The following SYNPO2L variants were observed in gnomAD, a reference collection of about 807,000 sequenced individuals.
SYNPO2L encodes the protein synaptopodin 2-like protein.
Under a neutral mutation model 47.5 loss-of-function variants are expected in SYNPO2L, and 34 were observed. The observed-to-expected ratio is 0.72, with a 90% CI of 0.54 to 0.95. SYNPO2L has a LOEUF of 0.95. SYNPO2L is among the 40% of genes least tolerant of loss of function. The pLI, the probability that SYNPO2L is intolerant of heterozygous loss-of-function variation, is 0.00. For synonymous variants in SYNPO2L, 536 were observed against 524.9 expected (o/e 1.02, Z -0.29); for missense variants, 1,246 against 1,282.0 (o/e 0.97, Z 0.43).
At position 73,653,556 on chromosome 10, in the gene SYNPO2L, C is replaced by T; in HGVS notation, c.355G>A (p.Val119Ile). Residue 119 changes from valine (V) to isoleucine (I), a missense_variant, in exon 3 of 4, where the codon GTT becomes ATT. Physicochemically the swap from Val to Ile is conservative, Grantham distance 29 (BLOSUM62 3). Around this residue, in one of 3 missense-constraint regions of SYNPO2L, gnomAD observed 148 missense variants for 204.8 expected, o/e 0.72. Coordinates refer to ENST00000394810, the MANE Select transcript of SYNPO2L (RefSeq NM_001114133.3). ...CTCCCAGGCTGAAGAGGCTGAGGAA[C>T]TGGAGCACCAGGGGGCTCAGGACTT... ...PLSPEPPGAPVPQPLQPGSLR... is the reference protein window; with the variant it reads ...PLSPEPPGAPIPQPLQPGSLR... 5 of 1,552,090 alleles carry T rather than the reference C, an allele frequency of 3.2e-6. No individual in the cohort carries two copies. The highest frequency in any genetic ancestry group is 4.4e-6 in the Non-Finnish European group (5 of 1,147,078).
intron 3 of SYNPO2L, chr10:73,650,731 A>C (rs984300545): frequency 1.0e-6 from 1 of 985,252 alleles, no homozygotes; most frequent in African/African-American, 1.7e-5. Flanking sequence ...CCCCTTTGAC[A>C]TGTGACCACA....
rs759286581 is a variant in SYNPO2L at position 73,646,792 on chromosome 10, C to T, written c.2860G>A (p.Ala954Thr). ...CTGGTGGCTGAAAATCGGGGCCTGGCTACCTGGAAACCGCAGGAGCTGGGA... is the reference window on the plus strand; with the variant it reads ...CTGGTGGCTGAAAATCGGGGCCTGGTTACCTGGAAACCGCAGGAGCTGGGA... ...ASPSSCGFQV[A>T]RPRFSATRTG... The change falls in exon 4 of 4, where the codon GCC becomes ACC. Residue 954 changes from alanine to threonine, a missense_variant. This residue lies in a region of SYNPO2L where 1,037 missense variants were observed against 1,021.5 expected (regional missense o/e 1.02). Transcript: ENST00000394810. 5 of 1,527,472 alleles carry T rather than the reference C, an allele frequency of 3.3e-6. No homozygotes were observed. The highest frequency in any genetic ancestry group is 1.4e-5 in the African/African-American group (1 of 72,016). 94.6% of individuals were successfully genotyped at this position (1,527,472 alleles called of 1,614,324 possible). A position where few individuals can be genotyped will look rare whatever the true frequency, so the allele number is the denominator to read the frequency against.
Position 73,654,620 on chromosome 10 carries a change from G to A in SYNPO2L, c.106-340C>T, listed in dbSNP as rs1262311159. On this transcript the variant is annotated intron_variant, in intron 1 of 3. Coordinates refer to ENST00000394810, the MANE Select transcript of SYNPO2L (RefSeq NM_001114133.3). ...GTGCTTTGGGAGGCCTAGGTGGGTG[G>A]ATCACTTGAGATCAGGAGTTTGAGA... Among the ~76,000 whole-genome samples the A allele has an allele frequency of 4.6e-5, 7 of 152,118 alleles. No individual in the cohort carries two copies. The East Asian group carries it at 1.3e-3, about 29-fold the overall frequency.
chr10:73,645,849 G>C lies in SYNPO2L; in HGVS notation c.*869C>G, dbSNP rs893220160. On this transcript the variant is annotated 3_prime_UTR_variant, in exon 4 of 4. Transcript: ENST00000394810. ...TTGTTTGTTTGTTTGTTTTGAGACA[G>C]AGTCTCGCTCCGTCGCCCAGGCTGG... is the stretch of plus-strand genomic sequence containing the variant. 6.1e-6 allele frequency: 6 copies of C among 985,564 alleles called. No homozygotes were observed. The highest frequency in any genetic ancestry group is 1.7e-5 in the African/African-American group (1 of 57,224). The allele number at this position is 985,564 out of a possible 1,614,324, so 61.1% of individuals were successfully genotyped here. A position where few individuals can be genotyped will look rare whatever the true frequency, so the allele number is the denominator to read the frequency against.
chr10:73,647,536 G>A lies in SYNPO2L; in HGVS notation c.2116C>T (p.Pro706Ser), dbSNP rs771255679. The change falls in exon 4 of 4, where the codon CCC becomes TCC. Residue 706 changes from proline (P) to serine (S), a missense_variant. Around this residue, in one of 3 missense-constraint regions of SYNPO2L, gnomAD observed 1,037 missense variants for 1,021.5 expected, o/e 1.02. Transcript: ENST00000394810. ...GGGGTCTTGGGAGCCATTGGAGGGGGGGTCTTAGGTGTCACGTGAGGCAGG... is the reference window on the plus strand; with the variant it reads ...GGGGTCTTGGGAGCCATTGGAGGGGAGGTCTTAGGTGTCACGTGAGGCAGG... ...KTLPHVTPKT[P>S]PPMAPKTPPP... The A allele has an allele frequency of 6.3e-7, 1 of 1,593,968 alleles. No individual in the cohort carries two copies. Among genetic ancestry groups the A allele is most frequent in the South Asian group, 1.1e-5 (1 of 89,362 alleles).
In SYNPO2L at chr10:73,653,385, A is replaced by T. The variant is rs1168614250; in HGVS notation, c.526T>A (p.Tyr176Asn). 1 of 1,551,548 alleles carries T rather than the reference A, an allele frequency of 6.4e-7. No individual in the cohort carries two copies. Among genetic ancestry groups the T allele is most frequent in the South Asian group, 1.2e-5 (1 of 84,066 alleles). ...GGCTCTGCAGGGCTGTCAGACAGGT[A>T]GACCTCATCAGGTGGGGCACCCGGA... Reference protein sequence around the residue: ...TPPGAPPDEVYLSDSPAEPAP... With the variant: ...TPPGAPPDEVNLSDSPAEPAP... The change falls in exon 3 of 4, where the codon TAC becomes AAC. Residue 176 changes from tyrosine to asparagine, a missense_variant. Coordinates refer to ENST00000394810, the MANE Select transcript of SYNPO2L (RefSeq NM_001114133.3).
Position 73,653,566 on chromosome 10 carries a change from A to AG in SYNPO2L, c.344dup (p.Gly116TrpfsTer18). The AG allele has an allele frequency of 6.4e-7, 1 of 1,552,178 alleles. No homozygotes were observed. Among genetic ancestry groups the AG allele is most frequent in the East Asian group, 2.4e-5 (1 of 40,922 alleles). On this transcript the variant is annotated frameshift_variant, in exon 3 of 4. Transcript: ENST00000394810. LOFTEE classifies it high-confidence loss of function. ...GAAGAGGCTGAGGAACTGGAGCACC[A>AG]GGGGGCTCAGGACTTAGTGGAGATA...
chr10:73,647,485 G>T lies in SYNPO2L; in HGVS notation c.2167C>A (p.Pro723Thr), dbSNP rs753124975. 1 of 1,591,430 alleles carries T rather than the reference G, an allele frequency of 6.3e-7. No individual in the cohort carries two copies. Among genetic ancestry groups the T allele is most frequent in the African/African-American group, 1.3e-5 (1 of 74,274 alleles). Residue 723 changes from proline to threonine, a missense_variant, in exon 4 of 4, where the codon CCC (proline) becomes ACC (threonine). By Grantham distance (38) the Pro-to-Thr change is conservative (BLOSUM62 -1). This residue lies in a region of SYNPO2L where 1,037 missense variants were observed against 1,021.5 expected (regional missense o/e 1.02). Coordinates refer to ENST00000394810, the MANE Select transcript of SYNPO2L (RefSeq NM_001114133.3). ...GATGGGGGCTTAGGAGCCACTGGGG[G>T]TGGAGTCTTAGGAGTCATAGGGGGC... ...TPPPMTPKTP[P>T]PVAPKPPSRG...
Position 73,648,522 on chromosome 10 carries a change from C to T in SYNPO2L, c.1130G>A (p.Gly377Glu), listed in dbSNP as rs991847681. ...CCCAGAGACCTCACTCAGCTGCCCT[C>T]CCAGCCCAGAGCCCTGGCCCTCTGA... ...RASEGQGSGL[G>E]GQLSEVSGRG... The change falls in exon 4 of 4, where the codon GGA (glycine) becomes GAA (glutamate). Residue 377 changes from glycine (G) to glutamate (E), a missense_variant. By Grantham distance (98) the Gly-to-Glu change is moderately conservative (BLOSUM62 -2). Transcript: ENST00000394810. 1 of 1,614,002 alleles carries T rather than the reference C, an allele frequency of 6.2e-7. No individual in the cohort carries two copies. Among genetic ancestry groups the T allele is most frequent in the African/African-American group, 1.3e-5 (1 of 74,942 alleles).
At chr10:73,654,045 T>C (rs902415590) in intron 2 of SYNPO2L, 84 bp downstream of exon 2, 1 of 1,489,396 alleles carries the variant, frequency 6.7e-7, no homozygotes, top group South Asian at 1.3e-5. Context: ...TGTTAGTTGC[T>C]AAAGCCAGGC....
chr10:73,648,705 G>A lies in SYNPO2L; in HGVS notation c.947C>T (p.Ala316Val), dbSNP rs766301153. 6.8e-6 allele frequency: 11 copies of A among 1,610,222 alleles called. No homozygotes were observed. The South Asian group carries it at 1.2e-4, about 18-fold the overall frequency. ...CTCCTCCTCAGCGCCTGTCCCAGCAGCAGCCCCGAAGCTCACCAGGGTGTA... is the reference window on the plus strand; with the variant it reads ...CTCCTCCTCAGCGCCTGTCCCAGCAACAGCCCCGAAGCTCACCAGGGTGTA... ...KKYTLVSFGA[A>V]AGTGAEEEDG... The change falls in exon 4 of 4, where the codon GCT becomes GTT. Residue 316 changes from alanine (A) to valine (V), a missense_variant. Ala to Val is a moderately conservative substitution (Grantham distance 64). Coordinates refer to ENST00000394810, the MANE Select transcript of SYNPO2L (RefSeq NM_001114133.3).
At chr10:73,652,174 A>AC (rs2081847058) in intron 3 of SYNPO2L, among the ~76,000 whole-genome samples, 1 of 151,510 alleles carries the variant, frequency 6.6e-6, no homozygotes, top group Admixed American at 6.6e-5. Flanking sequence ...TATTTTTAAG[A>AC]CAGGGTCTTG....
In SYNPO2L at chr10:73,647,273, C is replaced by G. The variant is rs929430288; in HGVS notation, c.2379G>C (p.Pro793=). The G allele has an allele frequency of 2.5e-6, 4 of 1,613,852 alleles. No individual in the cohort carries two copies. The highest frequency in any genetic ancestry group is 3.4e-6 in the Non-Finnish European group (4 of 1,179,938). The change falls in exon 4 of 4, where the codon CCG becomes CCC. Residue 793 remains proline, a synonymous_variant. Transcript: ENST00000394810. ...GPRPRSPSPT[P]SLPPSWKYSP... ...AATATTTCCAGGAAGGGGGCAGAGA[C>G]GGGGTAGGAGAAGGACTTCTAGGCC...
chr10:73,650,387 A>T (rs2081831724), intron 3 of SYNPO2L: 1 of 579,566 alleles, frequency 1.7e-6, no homozygotes. Flanking sequence ...GTCAGAGTTC[A>T]GTTCAGGTTT....
chr10:73,645,180 G>A lies in SYNPO2L; in HGVS notation c.*1538C>T. On this transcript the variant is annotated 3_prime_UTR_variant, in exon 4 of 4. Coordinates refer to ENST00000394810, the MANE Select transcript of SYNPO2L (RefSeq NM_001114133.3). ...AGACACACTGAAGAACAGACTCAAG[G>A]AAAATCACACAGACACCAACCGTTC... is the stretch of plus-strand genomic sequence containing the variant. 1.7e-6 allele frequency: 2 copies of A among 1,167,968 alleles called. No individual in the cohort carries two copies. Among genetic ancestry groups the A allele is most frequent in the Non-Finnish European group, 2.1e-6 (2 of 931,896 alleles). The allele number at this position is 1,167,968 out of a possible 1,614,324, so 72.4% of individuals were successfully genotyped here.
chr10:73,648,952 A>G, intron 3 of SYNPO2L, 73 bp from the exon 4 acceptor site: 1 of 1,395,734 alleles, frequency 7.2e-7, no homozygotes, highest in South Asian at 1.8e-5. Context: ...CAAGGCTTTC[A>G]CCCCCCATCC....
In SYNPO2L at chr10:73,648,197, A is replaced by G; in HGVS notation, c.1455T>C (p.Val485=). The change falls in exon 4 of 4, where the codon GTT becomes GTC. Residue 485 remains valine, a synonymous_variant. Transcript: ENST00000394810. Reference sequence around the variant, plus strand: ...TTTTGGGGGCTAAAGGCCGGAAAATAACCGAGGTGGTAGTTGGCCGCTGCC... The same window carrying G: ...TTTTGGGGGCTAAAGGCCGGAAAATGACCGAGGTGGTAGTTGGCCGCTGCC... ...LQGQRPTTTS[V]IFRPLAPKRA... 6.4e-7 allele frequency: 1 copy of G among 1,572,566 alleles called. No homozygotes were observed.
At position 73,647,274 on chromosome 10, in the gene SYNPO2L, G is replaced by T; in HGVS notation, c.2378C>A (p.Pro793Gln). The T allele has an allele frequency of 6.2e-7, 1 of 1,614,074 alleles. No homozygotes were observed. The highest frequency in any genetic ancestry group is 1.1e-5 in the South Asian group (1 of 91,080). ...GPRPRSPSPT[P>Q]SLPPSWKYSP... ...ATATTTCCAGGAAGGGGGCAGAGAC[G>T]GGGTAGGAGAAGGACTTCTAGGCCG... Residue 793 changes from proline (P) to glutamine (Q), a missense_variant, in exon 4 of 4, where the codon CCG (proline) becomes CAG (glutamine). Transcript: ENST00000394810.
chr10:73,654,193 A>G lies in SYNPO2L; in HGVS notation c.193T>C (p.Ser65Pro). The G allele has an allele frequency of 6.4e-6, 10 of 1,551,550 alleles. No individual in the cohort carries two copies. The highest frequency in any genetic ancestry group is 8.7e-6 in the Non-Finnish European group (10 of 1,146,970). The change falls in exon 2 of 4, where the codon TCC becomes CCC. Residue 65 changes from serine to proline, a missense_variant. This residue lies in a region of SYNPO2L where 148 missense variants were observed against 204.8 expected (regional missense o/e 0.72). Transcript: ENST00000394810. The part of the protein sequence containing the change: ...AINGVSCTNL[S>P]HASAMSLIDA... Reference sequence around the variant, plus strand: ...ATGAGGCTCATGGCACTGGCATGGGAGAGGTTGGTGCAAGAGACCCCATTG... The same window carrying G: ...ATGAGGCTCATGGCACTGGCATGGGGGAGGTTGGTGCAAGAGACCCCATTG...
Sources: allele counts gnomAD v4.1 joint callset (sites outside exome capture counted in the v4.1 genomes callset), GRCh38; gene constraint gnomAD v4.1.1; regional missense constraint gnomAD v4.1.1; transcripts MANE v1.5; gene names NCBI Gene and HGNC (gene_info 2026-07-23, HGNC 2026-07-21).